The following CDH19 variants were observed in gnomAD, a reference collection of about 807,000 sequenced individuals.
CDH19 encodes the protein cadherin-19.
A neutral mutation model predicts 64.2 loss-of-function variants in CDH19; 67 were observed. The ratio of observed to expected loss-of-function variants is 1.04; its 90% CI spans 0.86 to 1.28. The LOEUF is 1.28. Ranked by LOEUF, CDH19 falls within the 50% of genes most tolerant of loss-of-function variation. The pLI is 0.00. For synonymous variants in CDH19, 346 were observed against 319.3 expected (o/e 1.08, Z -0.89); for missense variants, 1,030 against 929.0 (o/e 1.11, Z -1.41).
intron 9 of CDH19, among the ~76,000 whole-genome samples, chr18:66,517,154 A>C (rs1215488016): frequency 6.6e-6 from 1 of 152,072 alleles, no homozygotes; most frequent in Non-Finnish European, 1.5e-5. Flanking sequence ...ACTGTAGTCG[A>C]GAGGAAGAAG....
intron 7 of CDH19, among the ~76,000 whole-genome samples, chr18:66,540,227 T>G (rs2144468050): frequency 6.6e-6 from 1 of 152,328 alleles, no homozygotes; most frequent in South Asian, 2.1e-4. Flanking sequence ...TATTTCCTTT[T>G]TGTCCTGCTT....
intron 9 of CDH19, among the ~76,000 whole-genome samples, chr18:66,520,341 GTT>G (rs368834150): frequency 0.025 from 3,329 of 132,940 alleles, 98 homozygotes; most frequent in African/African-American, 0.086. Flanking sequence ...GAAAATAGCT[GTT>G]TTTTTTTTTT....
intron 1 of CDH19, chr18:66,596,283 T>C (rs1473371465): frequency 6.6e-6 from 1 of 152,186 alleles, no homozygotes; most frequent in Non-Finnish European, 1.5e-5. Context: ...ACCACTCCTA[T>C]TTAATATAGC....
In CDH19 at chr18:66,544,885, A is replaced by G. The variant is rs1987046947; in HGVS notation, c.794T>C (p.Val265Ala). Residue 265 changes from valine to alanine, a missense_variant, in exon 6 of 12, where the codon GTC becomes GCC. Physicochemically the swap from Val to Ala is moderately conservative, Grantham distance 64 (BLOSUM62 0). Transcript: ENST00000262150. ...AGTCCCAGTGGGTGCAGATTCAGAG[A>G]CAGTCAAGCGGTATAAACCTTTAAA... Reference protein sequence around the residue: ...IFKESLYRLTVSESAPTGTSI... With the variant: ...IFKESLYRLTASESAPTGTSI... 4 of 1,609,072 alleles carry G rather than the reference A, an allele frequency of 2.5e-6. No homozygotes were observed. Among genetic ancestry groups the G allele is most frequent in the East Asian group, 2.2e-5 (1 of 44,758 alleles).
intron 9 of CDH19, among the ~76,000 whole-genome samples, chr18:66,521,313 G>C (rs1036645944): frequency 6.6e-6 from 1 of 152,068 alleles, no homozygotes; most frequent in African/African-American, 2.4e-5. Context: ...AATGGATACA[G>C]AGTGCTTGGA....
At chr18:66,530,025 ACAT>A (rs1454470043) in intron 8 of CDH19, 59 bp from the exon 9 acceptor site, 19 of 887,008 alleles carry the variant, frequency 2.1e-5, no homozygotes, top group Middle Eastern at 3.9e-4. Context: ...TTTAGAAGAG[ACAT>A]CATTAAAATT....
At chr18:66,553,104 T>G (rs1372942591) in intron 4 of CDH19, among the ~76,000 whole-genome samples, 1 of 134,786 alleles carries the variant, frequency 7.4e-6, no homozygotes, top group Non-Finnish European at 1.5e-5. Context: ...CTTTTTGGTT[T>G]TACTTCATAA....
intron 9 of CDH19, among the ~76,000 whole-genome samples, chr18:66,526,905 C>A (rs191168975): frequency 6.6e-6 from 1 of 151,620 alleles, no homozygotes; most frequent in Admixed American, 6.6e-5. Context: ...ACTGGCACAC[C>A]ATCTTTTAGT....
chr18:66,558,834 AT>A (rs1318757316), intron 3 of CDH19, among the ~76,000 whole-genome samples: 2 of 152,014 alleles, frequency 1.3e-5, no homozygotes, highest in African/African-American at 2.4e-5. Flanking sequence ...TTCCTACATA[AT>A]TTTTTATAAG....
At chr18:66,582,174 T>C (rs1230122461) in intron 1 of CDH19, among the ~76,000 whole-genome samples, 1 of 152,140 alleles carries the variant, frequency 6.6e-6, no homozygotes, top group Non-Finnish European at 1.5e-5. Context: ...ACAAAATATA[T>C]GTTTTCTATT....
chr18:66,507,714 G>A (rs1016783891), intron 11 of CDH19, among the ~76,000 whole-genome samples: 17 of 151,692 alleles, frequency 1.1e-4, no homozygotes, highest in African/African-American at 4.1e-4. Context: ...TAAAAAAGAC[G>A]TTCTCTTATA....
intron 4 of CDH19, among the ~76,000 whole-genome samples, chr18:66,551,677 T>C (rs1241811168): frequency 1.3e-5 from 2 of 152,062 alleles, no homozygotes; most frequent in Non-Finnish European, 2.9e-5. Flanking sequence ...TGTCATGCCC[T>C]TATTATTTTG....
In CDH19 at chr18:66,505,141, T is replaced by C. The variant is rs993144787; in HGVS notation, c.1990A>G (p.Ile664Val). ...TTCCGAGTCTTGCGTTCCCGCATTA[T>C]GGTACTACTCCTCAGCTCTGCTATA... is the stretch of plus-strand genomic sequence containing the variant. ...FDIAELRSST[I>V]MRERKTRKTT... Residue 664 changes from isoleucine (I) to valine (V), a missense_variant, in exon 12 of 12, where the codon ATA (isoleucine) becomes GTA (valine). Ile to Val is a conservative substitution (Grantham distance 29). Coordinates refer to ENST00000262150, the MANE Select transcript of CDH19 (RefSeq NM_021153.4). The C allele has an allele frequency of 3.7e-6, 6 of 1,613,642 alleles. No homozygotes were observed. The Admixed American group carries it at 5.0e-5, about 13-fold the overall frequency.
At chr18:66,588,298 T>C (rs1988636046) in intron 1 of CDH19, among the ~76,000 whole-genome samples, 2 of 152,108 alleles carry the variant, frequency 1.3e-5, no homozygotes, top group Non-Finnish European at 2.9e-5. Flanking sequence ...CTGTCACCCA[T>C]GGCCCTGAAC....
chr18:66,554,113 T>TC (rs1987431827), intron 4 of CDH19, among the ~76,000 whole-genome samples: 1 of 152,070 alleles, frequency 6.6e-6, no homozygotes, highest in East Asian at 1.9e-4. Context: ...AAATGTTTTT[T>TC]CCCTATATTT....
At chr18:66,539,018 CTT>C (rs1986786370) in intron 7 of CDH19, among the ~76,000 whole-genome samples, 2 of 152,254 alleles carry the variant, frequency 1.3e-5, no homozygotes, top group African/African-American at 4.8e-5. Flanking sequence ...CAACATGTCT[CTT>C]TAGGACACAA....
At chr18:66,523,416 C>T (rs1170896531) in intron 9 of CDH19, among the ~76,000 whole-genome samples, 8 of 152,146 alleles carry the variant, frequency 5.3e-5, no homozygotes, top group Non-Finnish European at 1.2e-4. Context: ...AGCTTCAGCC[C>T]TCCTTGGAGG....
Position 66,554,892 on chromosome 18 carries a change from TTC to T in CDH19, c.491-370_491-369del, listed in dbSNP as rs546939036. On this transcript the variant is annotated intron_variant, in intron 3 of 11. Transcript: ENST00000262150. ...AATTAAAAGGAACTTGGAAATGCTT[TTC>T]ACCAAAAATTATAGTGTAGCCTGTA... is the stretch of plus-strand genomic sequence containing the variant. Among the ~76,000 whole-genome samples the T allele has an allele frequency of 2.2e-4, 33 of 151,954 alleles. No individual in the cohort carries two copies. In the South Asian group the frequency reaches 6.4e-3, roughly 30 times the overall value.
chr18:66,522,027 AG>A (rs1048507085), intron 9 of CDH19, among the ~76,000 whole-genome samples: 9 of 151,508 alleles, frequency 5.9e-5, no homozygotes, highest in African/African-American at 2.2e-4. Context: ...GCTCACTGCA[AG>A]CTCCGCCTCC....
Sources: allele counts gnomAD v4.1 joint callset (sites outside exome capture counted in the v4.1 genomes callset), GRCh38; gene constraint gnomAD v4.1.1; transcripts MANE v1.5; gene names NCBI Gene and HGNC (gene_info 2026-07-23, HGNC 2026-07-21).